Variants in CPSF6 observed in about 807,000 individuals in gnomAD.
CPSF6 encodes cleavage and polyadenylation specific factor 6, also known as cleavage and polyadenylation specificity factor subunit 6.
Under a neutral mutation model 56.7 loss-of-function variants are expected in CPSF6, and 10 were observed. That is an observed-to-expected ratio of 0.18 (90% CI 0.11 to 0.30). The LOEUF (loss-of-function observed/expected upper bound fraction) is 0.30. Among genes scored for constraint, CPSF6 ranks in the 10% least tolerant of loss-of-function variants. The pLI, the probability that CPSF6 is intolerant of heterozygous loss-of-function variation, is 1.00. For synonymous variants in CPSF6, 248 were observed against 244.8 expected (o/e 1.01, Z -0.12); for missense variants, 419 against 722.9 (o/e 0.58, Z 4.82).
intron 3 of CPSF6, among the ~76,000 whole-genome samples, chr12:69,256,308 A>G (rs777278559): frequency 2.6e-5 from 4 of 152,262 alleles, no homozygotes; most frequent in Non-Finnish European, 5.9e-5. Flanking sequence ...GGTGGTGGTT[A>G]TAACACTGTG....
chr12:69,252,377 A>G (rs7133765), intron 2 of CPSF6, among the ~76,000 whole-genome samples: 2,612 of 152,218 alleles, frequency 0.017, 74 homozygotes, highest in African/African-American at 0.058. Context: ...GCCTATTTAC[A>G]TTTCTTTTAA....
intron 1 of CPSF6, among the ~76,000 whole-genome samples, chr12:69,240,147 C>T (rs1871532796): frequency 1.3e-5 from 2 of 152,068 alleles, no homozygotes; most frequent in Admixed American, 1.3e-4. Flanking sequence ...CCGCCGCCGC[C>T]CCTTCCCCGC....
intron 9 of CPSF6, among the ~76,000 whole-genome samples, chr12:69,266,238 G>A (rs187471910): frequency 2.0e-5 from 3 of 151,880 alleles, no homozygotes; most frequent in African/African-American, 7.3e-5. Flanking sequence ...CTGTTTCCTT[G>A]TTTTCCCATG....
At chr12:69,256,497 T>C (rs1159869072) in intron 3 of CPSF6, among the ~76,000 whole-genome samples, 200 bp from the exon 4 acceptor site, 2 of 152,158 alleles carry the variant, frequency 1.3e-5, no homozygotes, top group Non-Finnish European at 2.9e-5. Context: ...AGTGTGATTA[T>C]AGGTTACTGT....
intron 2 of CPSF6, among the ~76,000 whole-genome samples, chr12:69,252,474 G>T (rs1872297695): frequency 6.6e-6 from 1 of 152,136 alleles, no homozygotes; most frequent in African/African-American, 2.4e-5. Context: ...AAGTATGGTT[G>T]CTAAGTAAGT....
rs754094354 is a variant in CPSF6, at chr12:69,259,422, T to G, written c.1200-6T>G. On this transcript the variant is annotated splice_region_variant and splice_polypyrimidine_tract_variant and intron_variant, in intron 6 of 9. Transcript: ENST00000435070. ...ATGAGTTAAGGTTTATGTTTTTGTT[T>G]TACAGGGAAATGGATACTGCAAGAA... The G allele has an allele frequency of 6.2e-7, 1 of 1,610,072 alleles. No homozygotes were observed. Among genetic ancestry groups the G allele is most frequent in the Non-Finnish European group, 8.5e-7 (1 of 1,178,566 alleles).
chr12:69,242,356 T>G (rs1412247339), intron 1 of CPSF6, among the ~76,000 whole-genome samples: 1 of 152,222 alleles, frequency 6.6e-6, no homozygotes, highest in African/African-American at 2.4e-5. Context: ...TTATGAAGCT[T>G]TTTTGTATTT....
chr12:69,258,565 T>C lies in CPSF6; in HGVS notation c.695-25T>C, dbSNP rs1872606483. ...ATCTTATTAGTGAAGTGTTTTTTTT[T>C]CTCTCTTTCTCCTTTGTTTTTTAGC... is the stretch of plus-strand genomic sequence containing the variant. On this transcript the variant is annotated intron_variant, in intron 5 of 9. Transcript: ENST00000435070. The surrounding 1 kb of genome is among the most constrained non-coding windows in gnomAD (Gnocchi z 4.2). The C allele has an allele frequency of 6.5e-7, 1 of 1,540,708 alleles. No individual in the cohort carries two copies. Among genetic ancestry groups the C allele is most frequent in the Non-Finnish European group, 8.7e-7 (1 of 1,151,092 alleles).
chr12:69,271,551 T>C lies in CPSF6; in HGVS notation c.*2043T>C, dbSNP rs988113115. ...TTTTCATATTTTATCAATGGAACCT[T>C]TTAATTGCTCCTTCTATATCACTCT... On this transcript the variant is annotated 3_prime_UTR_variant, in exon 10 of 10. Coordinates refer to ENST00000435070, the MANE Select transcript of CPSF6 (RefSeq NM_007007.3). The C allele has an allele frequency of 5.3e-5, 8 of 151,786 alleles. No individual in the cohort carries two copies. The highest frequency in any genetic ancestry group is 1.9e-4 in the African/African-American group (8 of 41,422). 9.4% of individuals were successfully genotyped at this position (151,786 alleles called of 1,614,324 possible).
At chr12:69,252,186 T>G (rs1293153206) in intron 2 of CPSF6, 1 of 431,882 alleles carries the variant, frequency 2.3e-6, no homozygotes, top group South Asian at 1.6e-5. Context: ...GTGATTCTCC[T>G]GTGTCAGCCT....
At chr12:69,254,033 A>G (rs1294284432) in intron 3 of CPSF6, among the ~76,000 whole-genome samples, 1 of 152,192 alleles carries the variant, frequency 6.6e-6, no homozygotes, top group Admixed American at 6.5e-5. Context: ...ATATTTTCAA[A>G]ATATATGCAG....
chr12:69,240,807 A>T (rs971790593), intron 1 of CPSF6, among the ~76,000 whole-genome samples: 1 of 151,538 alleles, frequency 6.6e-6, no homozygotes, highest in Non-Finnish European at 1.5e-5. Context: ...GTTAATGGGC[A>T]TCCTTGCAAA....
intron 1 of CPSF6, among the ~76,000 whole-genome samples, chr12:69,247,378 T>TG (rs1023105231): frequency 1.3e-5 from 2 of 152,074 alleles, no homozygotes; most frequent in Non-Finnish European, 2.9e-5. Context: ...AGTTTTTTTT[T>TG]TTTTTAAACA....
chr12:69,239,840 G>C, intron 1 of CPSF6, 134 bp downstream of exon 1: 3 of 742,698 alleles, frequency 4.0e-6, no homozygotes, highest in Non-Finnish European at 5.5e-6. Context: ...CCGCGCCGCC[G>C]ACCCCTGGCG....
At chr12:69,242,413 G>A (rs1871673536) in intron 1 of CPSF6, among the ~76,000 whole-genome samples, 1 of 152,156 alleles carries the variant, frequency 6.6e-6, no homozygotes, top group Admixed American at 6.5e-5. Flanking sequence ...ATCTATTGAA[G>A]TAGAAAAAAG....
intron 6 of CPSF6, 24 bp from the exon 7 acceptor site, chr12:69,259,404 A>G (rs1449718856): frequency 6.2e-6 from 10 of 1,604,946 alleles, no homozygotes; most frequent in South Asian, 2.2e-5. Context: ...AGTATGAGTT[A>G]AGGTTTATGT....
intron 1 of CPSF6, among the ~76,000 whole-genome samples, chr12:69,243,652 G>A (rs545578105): frequency 1.3e-5 from 2 of 152,312 alleles, no homozygotes; most frequent in South Asian, 4.1e-4. Flanking sequence ...TGGCACACTT[G>A]TGTAGGGCAC....
chr12:69,250,590 CAAAAAAAA>C (rs61337613), intron 1 of CPSF6, among the ~76,000 whole-genome samples: 5 of 48,862 alleles, frequency 1.0e-4, no homozygotes, highest in African/African-American at 1.6e-4. Flanking sequence ...CTGGTCTCTA[CAAAAAAAA>C]AAAAAAAAAG....
chr12:69,259,260 T>C lies in CPSF6; in HGVS notation c.1199+166T>C. 3 of 783,448 alleles carry C rather than the reference T, an allele frequency of 3.8e-6. No homozygotes were observed. In the South Asian group the frequency reaches 1.7e-4, roughly 46 times the overall value. The allele number at this position is 783,448 out of a possible 1,614,324, so 48.5% of individuals were successfully genotyped here. A position where few individuals can be genotyped will look rare whatever the true frequency, so the allele number is the denominator to read the frequency against. On this transcript the variant is annotated intron_variant, in intron 6 of 9. Transcript: ENST00000435070. ...TGAAAGATACTGGTATAGGAGAATTTTTAGATTTGTTCTCTTTGTTGGAAA... is the reference window on the plus strand; with the variant it reads ...TGAAAGATACTGGTATAGGAGAATTCTTAGATTTGTTCTCTTTGTTGGAAA...
Sources: allele counts gnomAD v4.1 joint callset (sites outside exome capture counted in the v4.1 genomes callset), GRCh38; gene constraint gnomAD v4.1.1; non-coding constraint Gnocchi (gnomAD v3.1); transcripts MANE v1.5; gene names NCBI Gene and HGNC (gene_info 2026-07-23, HGNC 2026-07-21).